The following HDGF variants were observed in gnomAD, a reference collection of about 807,000 sequenced individuals.
HDGF encodes the protein hepatoma-derived growth factor.
In HDGF, 5 loss-of-function variants were observed where a neutral mutation model predicts 30.0. The ratio of observed to expected loss-of-function variants is 0.17; its 90% CI spans 0.09 to 0.35. The LOEUF (loss-of-function observed/expected upper bound fraction) is 0.35. Among genes scored for constraint, HDGF ranks in the 10% least tolerant of loss-of-function variants. The probability of loss-of-function intolerance (pLI) is 1.00; values close to 1 mark genes in which losing one functional copy is unlikely to be tolerated. For missense variants in HDGF, 214 were observed against 302.8 expected (o/e 0.71, Z 2.18); for synonymous variants, 133 against 112.7 (o/e 1.18, Z -1.14).
At chr1:156,758,377 G>T (rs1651185894) in intron 2 of HDGF, among the ~76,000 whole-genome samples, 1 of 151,708 alleles carries the variant, frequency 6.6e-6, no homozygotes, top group Non-Finnish European at 1.5e-5. Flanking sequence ...GGATCATGAG[G>T]TCAGGAGATC....
intron 3 of HDGF, 189 bp from the exon 4 acceptor site, chr1:156,744,537 G>C (rs753201553): frequency 1.9e-6 from 3 of 1,539,882 alleles, no homozygotes; most frequent in Admixed American, 2.0e-5. Context: ...CCCACTGGCC[G>C]GGCAGGCAGG....
intron 1 of HDGF, among the ~76,000 whole-genome samples, chr1:156,747,066 C>T (rs903182633): frequency 1.6e-4 from 25 of 151,948 alleles, no homozygotes; most frequent in Non-Finnish European, 3.5e-4. Context: ...AGCCCTTCCC[C>T]CCCAGGAAGG....
chr1:156,757,514 C>G (rs1170884181), intron 2 of HDGF, among the ~76,000 whole-genome samples: 1 of 150,314 alleles, frequency 6.7e-6, no homozygotes, highest in Non-Finnish European at 1.5e-5. Context: ...AATTAAAGGC[C>G]GGGTGTGGTG....
At chr1:156,751,966 C>G, upstream of HDGF, 1 of 1,421,580 alleles carries the variant, frequency 7.0e-7, no homozygotes, top group East Asian at 2.5e-5. The surrounding 1 kb of genome is among the most constrained non-coding windows in gnomAD (Gnocchi z 4.7). Context: ...GGTGCCCGCC[C>G]GCCCGGGAGG....
intron 2 of HDGF, among the ~76,000 whole-genome samples, chr1:156,758,612 T>TAAAA (rs1234235857): frequency 9.1e-6 from 1 of 109,918 alleles, no homozygotes; most frequent in Admixed American, 1.0e-4. Context: ...AATAAATAAA[T>TAAAA]AAATAAATAA....
rs1048715497 is a variant in HDGF at position 156,751,094 on chromosome 1, C to T, written c.87+249G>A. Among the ~76,000 whole-genome samples, 1 of 151,902 alleles carries T rather than the reference C, an allele frequency of 6.6e-6. No homozygotes were observed. The highest frequency in any genetic ancestry group is 6.5e-5 in the Admixed American group (1 of 15,274). On this transcript the variant is annotated intron_variant, in intron 1 of 5. Coordinates refer to ENST00000357325, the MANE Select transcript of HDGF (RefSeq NM_004494.3). This position sits in a 1 kb window ranked among gnomAD's most constrained non-coding sequence, Gnocchi z 4.7. Reference sequence around the variant, plus strand: ...GGGGCCGGGAAGTGACCGGCGCCCTCGGATCCCCACGCCGTGAACACGCCA... The same window carrying T: ...GGGGCCGGGAAGTGACCGGCGCCCTTGGATCCCCACGCCGTGAACACGCCA...
chr1:156,744,887 A>G (rs1288846713), intron 3 of HDGF, 121 bp downstream of exon 3: 2 of 1,183,724 alleles, frequency 1.7e-6, no homozygotes, highest in African/African-American at 1.5e-5. Context: ...CACCCTGATT[A>G]GCTCCTACCC....
intron 1 of HDGF, among the ~76,000 whole-genome samples, chr1:156,764,674 A>G (rs1388293519): frequency 6.6e-6 from 1 of 152,064 alleles, no homozygotes; most frequent in Non-Finnish European, 1.5e-5. Flanking sequence ...CGCTTAGAAA[A>G]CATTTGTTAA....
At chr1:156,747,372 G>T (rs1650654391) in intron 1 of HDGF, 1 of 151,612 alleles carries the variant, frequency 6.6e-6, no homozygotes, top group Admixed American at 6.6e-5. Flanking sequence ...ACCACAGCTA[G>T]GGCTGGATTA....
chr1:156,744,429 C>CTG, intron 3 of HDGF, 81 bp from the exon 4 acceptor site: 1 of 1,585,518 alleles, frequency 6.3e-7, no homozygotes, highest in Non-Finnish European at 8.6e-7. Flanking sequence ...CTCAGCCACT[C>CTG]ACTCCTTCCT....
At position 156,751,538 on chromosome 1, in the gene HDGF, C is replaced by T. The variant is rs1046343783; in HGVS notation, c.-109G>A. On this transcript the variant is annotated 5_prime_UTR_variant, in exon 1 of 6. Coordinates refer to ENST00000357325, the MANE Select transcript of HDGF (RefSeq NM_004494.3). This position sits in a 1 kb window ranked among gnomAD's most constrained non-coding sequence, Gnocchi z 4.7. ...TCCGCTCCGGCCCTCGCGCGGCCCC[C>T]GCCTCGATGGTGGCCCCCGGCCCGA... is the stretch of plus-strand genomic sequence containing the variant. The T allele has an allele frequency of 9.8e-7, 1 of 1,025,384 alleles. No individual in the cohort carries two copies. Among genetic ancestry groups the T allele is most frequent in the African/African-American group, 1.7e-5 (1 of 57,524 alleles). The allele number at this position is 1,025,384 out of a possible 1,614,324, so 63.5% of individuals were successfully genotyped here.
intron 3 of HDGF, chr1:156,744,627 TCCCCGCCAAC>T: frequency 8.0e-7 from 1 of 1,242,256 alleles, no homozygotes; most frequent in Non-Finnish European, 1.1e-6. Context: ...TAGGACCCTT[TCCCCGCCAAC>T]CCCCGCCCCC....
At chr1:156,763,225 T>C (rs1054070546) in intron 1 of HDGF, among the ~76,000 whole-genome samples, 1 of 152,170 alleles carries the variant, frequency 6.6e-6, no homozygotes, top group African/African-American at 2.4e-5. Flanking sequence ...CTTTTTTTTT[T>C]TTGTTTGAGA....
chr1:156,753,085 A>G (rs1651070348), upstream of HDGF, among the ~76,000 whole-genome samples: 1 of 152,230 alleles, frequency 6.6e-6, no homozygotes, highest in Non-Finnish European at 1.5e-5. Context: ...ACAGAGGCAT[A>G]GAATGGCTGC....
At chr1:156,764,657 G>T (rs191848196) in intron 1 of HDGF, among the ~76,000 whole-genome samples, 6 of 152,084 alleles carry the variant, frequency 3.9e-5, no homozygotes, top group African/African-American at 1.4e-4. Flanking sequence ...CACAGTAAGG[G>T]GATCCTCGCT....
chr1:156,760,112 G>A (rs772292384), intron 1 of HDGF, among the ~76,000 whole-genome samples: 1 of 152,236 alleles, frequency 6.6e-6, no homozygotes, highest in Non-Finnish European at 1.5e-5. Flanking sequence ...GAGTGCCATA[G>A]GTTAGATGAG....
chr1:156,747,250 GCCCC>G (rs1314352449), intron 1 of HDGF, among the ~76,000 whole-genome samples: 3 of 14,166 alleles, frequency 2.1e-4, no homozygotes, highest in Non-Finnish European at 3.9e-4. Flanking sequence ...CCTCCCCCCC[GCCCC>G]CCCCCCCCCG....
At chr1:156,766,676 G>A (rs1258369544) in intron 1 of HDGF, 2 of 152,360 alleles carry the variant, frequency 1.3e-5, no homozygotes, top group Non-Finnish European at 2.9e-5. Context: ...GGAATGTAAA[G>A]GACATCTGCA....
At chr1:156,765,577 C>A (rs970247722) in intron 1 of HDGF, among the ~76,000 whole-genome samples, 2 of 139,532 alleles carry the variant, frequency 1.4e-5, no homozygotes, top group African/African-American at 5.2e-5. Context: ...CGGGTTCAAA[C>A]GATTCTCCTG....
Sources: allele counts gnomAD v4.1 joint callset (sites outside exome capture counted in the v4.1 genomes callset), GRCh38; gene constraint gnomAD v4.1.1; non-coding constraint Gnocchi (gnomAD v3.1); transcripts MANE v1.5; gene names NCBI Gene and HGNC (gene_info 2026-07-23, HGNC 2026-07-21).